The following PSMA8 variants were observed in gnomAD, a reference collection of about 807,000 sequenced individuals.
PSMA8 encodes proteasome subunit alpha-type 8.
A neutral mutation model predicts 32.4 loss-of-function variants in PSMA8; 18 were observed. The ratio of observed to expected loss-of-function variants is 0.56; its 90% confidence interval spans 0.38 to 0.82. PSMA8 has a LOEUF of 0.82. Among genes scored for constraint, PSMA8 ranks in the 40% least tolerant of loss-of-function variants. PSMA8 has a pLI of 0.00. For synonymous variants in PSMA8, 104 were observed against 98.1 expected (o/e 1.06, Z -0.36); for missense variants, 298 against 300.7 (o/e 0.99, Z 0.07).
chr18:26,184,597 A>AC (rs1297305111), intron 6 of PSMA8, among the ~76,000 whole-genome samples: 1 of 148,780 alleles, frequency 6.7e-6, no homozygotes, highest in Non-Finnish European at 1.5e-5. Context: ...ACATAGTGAA[A>AC]CCCCATCTCC....
chr18:26,182,448 A>G (rs1401516094), intron 6 of PSMA8, among the ~76,000 whole-genome samples: 2 of 152,242 alleles, frequency 1.3e-5, no homozygotes, highest in Non-Finnish European at 2.9e-5. Context: ...ATGACAGCAC[A>G]TCTATTTATA....
intron 2 of PSMA8, among the ~76,000 whole-genome samples, chr18:26,149,237 T>C (rs566851078): frequency 1.3e-5 from 2 of 152,278 alleles, no homozygotes; most frequent in South Asian, 4.1e-4. Context: ...AAAATACTTA[T>C]TGGGAATGAA....
At chr18:26,153,260 T>C (rs2055060832) in intron 3 of PSMA8, among the ~76,000 whole-genome samples, 1 of 152,194 alleles carries the variant, frequency 6.6e-6, no homozygotes, top group Non-Finnish European at 1.5e-5. Flanking sequence ...TTTTCTTCTC[T>C]CTCTTATTCT....
In PSMA8 at chr18:26,192,918, T is replaced by C. The variant is rs1261000191; in HGVS notation, c.*507T>C. 1 of 152,112 alleles carries C rather than the reference T, an allele frequency of 6.6e-6. No individual in the cohort carries two copies. Among genetic ancestry groups the C allele is most frequent in the Non-Finnish European group, 1.5e-5 (1 of 68,020 alleles). The allele number at this position is 152,112 out of a possible 1,614,324, so 9.4% of individuals were successfully genotyped here. ...TTTTACAATATTTTGTTATTTTTAT[T>C]TTACCTTTTTCATTTTACAATATTT... On this transcript the variant is annotated 3_prime_UTR_variant, in exon 7 of 7. Transcript: ENST00000415576.
chr18:26,157,049 T>G (rs1005037088), intron 3 of PSMA8, among the ~76,000 whole-genome samples: 4 of 151,224 alleles, frequency 2.6e-5, no homozygotes, highest in East Asian at 3.9e-4. Context: ...CCTCCCAAAG[T>G]GGTGGGATTA....
Position 26,193,203 on chromosome 18 carries a change from T to C in PSMA8, c.*792T>C, listed in dbSNP as rs757488994. The C allele has an allele frequency of 5.3e-5, 8 of 152,158 alleles. No individual in the cohort carries two copies. Among genetic ancestry groups the C allele is most frequent in the Non-Finnish European group, 8.8e-5 (6 of 68,034 alleles). The allele number at this position is 152,158 out of a possible 1,614,324, so 9.4% of individuals were successfully genotyped here. On this transcript the variant is annotated 3_prime_UTR_variant, in exon 7 of 7. Transcript: ENST00000415576. ...AAATATCTGAGTGTGTATTTTATGA[T>C]TGGTATTATGGAAGGCTTATTGGGG...
intron 6 of PSMA8, among the ~76,000 whole-genome samples, chr18:26,180,695 GACACACACACACACAC>G (rs45627236): frequency 2.8e-5 from 4 of 143,356 alleles, no homozygotes; most frequent in Non-Finnish European, 4.6e-5. Flanking sequence ...TATAAAAATA[GACACACACACACACAC>G]ACACACACAC....
intron 4 of PSMA8, among the ~76,000 whole-genome samples, chr18:26,176,657 G>T (rs2055266166): frequency 1.3e-5 from 2 of 152,098 alleles, no homozygotes. Context: ...AGTTGGCCAG[G>T]CACAGTGGCT....
At chr18:26,165,557 G>T (rs913093862) in intron 4 of PSMA8, among the ~76,000 whole-genome samples, 6 of 151,426 alleles carry the variant, frequency 4.0e-5, no homozygotes, top group African/African-American at 1.5e-4. Flanking sequence ...GAGAATATAG[G>T]TTCAAGGGAA....
At chr18:26,189,399 G>A (rs2055384030) in intron 6 of PSMA8, among the ~76,000 whole-genome samples, 1 of 151,960 alleles carries the variant, frequency 6.6e-6, no homozygotes, top group Admixed American at 6.6e-5. Context: ...CTGATGTGGT[G>A]GTGTGCTCCT....
intron 4 of PSMA8, among the ~76,000 whole-genome samples, chr18:26,165,489 T>C (rs2055170922): frequency 6.6e-6 from 1 of 152,196 alleles, no homozygotes; most frequent in Non-Finnish European, 1.5e-5. Flanking sequence ...GAAGTAAAGA[T>C]ATTGCTTTTA....
At chr18:26,159,132 T>C (rs981080673) in intron 4 of PSMA8, among the ~76,000 whole-genome samples, 15 of 152,218 alleles carry the variant, frequency 9.9e-5, no homozygotes, top group African/African-American at 3.6e-4. Context: ...TTATTAAAAG[T>C]TAAATACCCA....
chr18:26,151,679 A>G (rs958802384), intron 2 of PSMA8, among the ~76,000 whole-genome samples, 179 bp from the exon 3 acceptor site: 3 of 152,248 alleles, frequency 2.0e-5, no homozygotes, highest in African/African-American at 7.2e-5. Context: ...TTAAATCTTG[A>G]AATAAATCAG....
chr18:26,139,950 T>C, intron 1 of PSMA8: 1 of 664,672 alleles, frequency 1.5e-6, no homozygotes, highest in Non-Finnish European at 2.7e-6. Flanking sequence ...ATCTCTGTAC[T>C]CTTGTAGCTT....
At position 26,169,051 on chromosome 18, in the gene PSMA8, G is replaced by A. The variant is rs557192943; in HGVS notation, c.478-9779G>A. The stretch of plus-strand genomic sequence containing the variant: ...GGCTGGAGTGCAGTGGCACAATCAC[G>A]ACTCACTGCAGCCTTGAACTCGTGG... On this transcript the variant is annotated intron_variant, in intron 4 of 6. Transcript: ENST00000415576. Among the ~76,000 whole-genome samples, 479 of 131,376 alleles carry A rather than the reference G, an allele frequency of 3.6e-3. 29 individuals carry two copies. Among genetic ancestry groups the A allele is most frequent in the Non-Finnish European group, 5.6e-3 (377 of 67,028 alleles). 86.2% of individuals were successfully genotyped at this position (131,376 alleles called of 152,430 possible). A position where few individuals can be genotyped will look rare whatever the true frequency, so the allele number is the denominator to read the frequency against.
Position 26,192,323 on chromosome 18 carries a change from T to G in PSMA8, c.665T>G (p.Phe222Cys). ...IIRRNQPLKM[F>C]SAKEVELYVT... ...TAAATTTTTTTCTCTTTTCAGATGT[T>G]TAGTGCAAAAGAAGTTGAATTATAT... The change falls in exon 7 of 7, where the codon TTT becomes TGT. Residue 222 changes from phenylalanine (F) to cysteine (C), a missense_variant. Physicochemically the swap from Phe to Cys is radical, Grantham distance 205. Transcript: ENST00000415576. 1 of 1,505,224 alleles carries G rather than the reference T, an allele frequency of 6.6e-7. No individual in the cohort carries two copies. The highest frequency in any genetic ancestry group is 1.4e-5 in the South Asian group (1 of 70,562). The allele number at this position is 1,505,224 out of a possible 1,614,324, so 93.2% of individuals were successfully genotyped here. A position where few individuals can be genotyped will look rare whatever the true frequency, so the allele number is the denominator to read the frequency against.
chr18:26,145,181 C>T (rs531738984), intron 2 of PSMA8, among the ~76,000 whole-genome samples: 5 of 152,182 alleles, frequency 3.3e-5, no homozygotes, highest in African/African-American at 9.6e-5. Context: ...TGCAATGGCG[C>T]GATCTCTGCT....
rs369422702 is a variant in PSMA8 at position 26,133,954 on chromosome 18, T to C, written c.-12T>C. Reference sequence around the variant, plus strand: ...CGGGAAGCTCGGTGGCAAGCCCTTGTAGTCCTGTGCGATGGCGTCTCGATA... The same window carrying C: ...CGGGAAGCTCGGTGGCAAGCCCTTGCAGTCCTGTGCGATGGCGTCTCGATA... On this transcript the variant is annotated 5_prime_UTR_variant, in exon 1 of 7. Transcript: ENST00000415576. 2.4e-5 allele frequency: 39 copies of C among 1,609,432 alleles called. No homozygotes were observed. Among genetic ancestry groups the C allele is most frequent in the Non-Finnish European group, 3.1e-5 (37 of 1,175,898 alleles).
chr18:26,166,538 A>G (rs2055181729), intron 4 of PSMA8, among the ~76,000 whole-genome samples: 2 of 152,370 alleles, frequency 1.3e-5, no homozygotes, highest in Admixed American at 6.5e-5. Context: ...TGACTCAGGT[A>G]TACATCTTTT....
Sources: allele counts gnomAD v4.1 joint callset (sites outside exome capture counted in the v4.1 genomes callset), GRCh38; gene constraint gnomAD v4.1.1; transcripts MANE v1.5; gene names NCBI Gene and HGNC (gene_info 2026-07-23, HGNC 2026-07-21).